Variants in TTC28 observed in about 807,000 individuals in gnomAD.
TTC28 encodes tetratricopeptide repeat protein 28.
Under a neutral mutation model 198.0 loss-of-function variants are expected in TTC28, and 61 were observed. The ratio of observed to expected loss-of-function variants is 0.31; its 90% confidence interval spans 0.25 to 0.38. The LOEUF (loss-of-function observed/expected upper bound fraction) is 0.38. TTC28 is among the 10% of genes least tolerant of loss of function. TTC28 has a pLI of 1.00. For missense variants in TTC28, 2,678 were observed against 3,164.0 expected, an observed-to-expected ratio of 0.85 and a Z score of 3.69; for synonymous variants, 1,171 against 1,297.8, an observed-to-expected ratio of 0.90 and a Z score of 2.10.
At position 28,611,597 on chromosome 22, in the gene TTC28, C is replaced by T. The variant is rs143417293; in HGVS notation, c.381+17955G>A. On this transcript the variant is annotated intron_variant, in intron 2 of 22. Coordinates refer to ENST00000397906, the MANE Select transcript of TTC28 (RefSeq NM_001145418.2). ...TATGTATACATGTGCCATGCTGGTGCGCTGCACCCACTAACATGTCATCTA... is the reference window on the plus strand; with the variant it reads ...TATGTATACATGTGCCATGCTGGTGTGCTGCACCCACTAACATGTCATCTA... 7.1e-3 allele frequency among the ~76,000 whole-genome samples: 1,044 copies of T among 147,140 alleles called. 13 individuals are homozygous for T. Among genetic ancestry groups the T allele is most frequent in the African/African-American group, 0.025 (1,008 of 40,072 alleles).
chr22:28,581,571 C>A (rs1219042174), intron 2 of TTC28, among the ~76,000 whole-genome samples: 1 of 152,114 alleles, frequency 6.6e-6, no homozygotes, highest in Non-Finnish European at 1.5e-5. Context: ...CACATACATA[C>A]AATTTGAAAT....
intron 2 of TTC28, among the ~76,000 whole-genome samples, chr22:28,543,444 AGAGGAG>A (rs911730434): frequency 8.6e-5 from 13 of 150,758 alleles, no homozygotes; most frequent in Non-Finnish European, 1.6e-4. Context: ...AAGAGGAGGA[AGAGGAG>A]GAGGAGGAGA....
chr22:28,251,864 A>G (rs1930536702), intron 5 of TTC28, among the ~76,000 whole-genome samples: 1 of 152,214 alleles, frequency 6.6e-6, no homozygotes, highest in Non-Finnish European at 1.5e-5. Flanking sequence ...ATGTGATTAA[A>G]AACAAAATAT....
chr22:28,118,991 T>C (rs543446706), intron 6 of TTC28, among the ~76,000 whole-genome samples: 9 of 152,350 alleles, frequency 5.9e-5, no homozygotes, highest in Admixed American at 4.6e-4. Flanking sequence ...GCCTTGGTAA[T>C]TGGTGTGTCC....
chr22:28,456,926 C>T (rs1344287990), intron 2 of TTC28, among the ~76,000 whole-genome samples: 1 of 152,096 alleles, frequency 6.6e-6, no homozygotes, highest in Non-Finnish European at 1.5e-5. Context: ...CCATACTAGA[C>T]AACAAAAATA....
chr22:28,157,185 T>A (rs1168214480), intron 6 of TTC28, among the ~76,000 whole-genome samples: 2 of 152,120 alleles, frequency 1.3e-5, no homozygotes, highest in African/African-American at 4.8e-5. Flanking sequence ...ATACACCAAT[T>A]AAGTTGGAAA....
chr22:28,170,079 A>G (rs1019115009), intron 5 of TTC28, among the ~76,000 whole-genome samples: 1 of 152,198 alleles, frequency 6.6e-6, no homozygotes, highest in African/African-American at 2.4e-5. Flanking sequence ...TCTCCTAGAA[A>G]CAAGTTGTAT....
At chr22:28,540,344 T>C (rs2049386278) in intron 2 of TTC28, among the ~76,000 whole-genome samples, 1 of 152,100 alleles carries the variant, frequency 6.6e-6, no homozygotes, top group Admixed American at 6.6e-5. Context: ...TGGAGGCAGA[T>C]GTCACATATT....
At chr22:28,563,805 C>G (rs781282704) in intron 2 of TTC28, among the ~76,000 whole-genome samples, 19 of 152,118 alleles carry the variant, frequency 1.2e-4, no homozygotes, top group Middle Eastern at 3.4e-3. Flanking sequence ...GGTATATACC[C>G]AAAAGAAGTG....
At chr22:28,029,158 G>A in intron 13 of TTC28, 1 of 469,688 alleles carries the variant, frequency 2.1e-6, no homozygotes, top group Admixed American at 2.4e-5. Context: ...TGTGAAGGTG[G>A]CTGGGAAGAA....
At chr22:28,301,592 C>T (rs1352960162) in intron 3 of TTC28, among the ~76,000 whole-genome samples, 2 of 152,164 alleles carry the variant, frequency 1.3e-5, no homozygotes, top group African/African-American at 2.4e-5. Flanking sequence ...CACATATTAA[C>T]AATCTCTGAA....
intron 5 of TTC28, among the ~76,000 whole-genome samples, chr22:28,230,358 T>A (rs1928708654): frequency 6.6e-6 from 1 of 152,194 alleles, no homozygotes; most frequent in Non-Finnish European, 1.5e-5. Flanking sequence ...TGTAAAAAGC[T>A]TACTGATCCT....
chr22:28,077,811 C>T (rs1941216953), intron 12 of TTC28, among the ~76,000 whole-genome samples: 1 of 152,138 alleles, frequency 6.6e-6, no homozygotes, highest in African/African-American at 2.4e-5. Context: ...AACATTTACC[C>T]CATTAAAAGG....
chr22:28,010,113 G>A (rs548768174), intron 14 of TTC28, among the ~76,000 whole-genome samples: 2 of 152,274 alleles, frequency 1.3e-5, no homozygotes, highest in South Asian at 4.1e-4. Flanking sequence ...CTGTGGGCGG[G>A]TTCAGGGGCC....
intron 2 of TTC28, among the ~76,000 whole-genome samples, chr22:28,548,780 C>T (rs1033045927): frequency 2.6e-5 from 4 of 152,146 alleles, no homozygotes; most frequent in Non-Finnish European, 5.9e-5. Flanking sequence ...TTTTTCTCAT[C>T]GGCTCATAAA....
chr22:28,168,259 T>C (rs1211709898), intron 5 of TTC28, among the ~76,000 whole-genome samples: 4 of 152,144 alleles, frequency 2.6e-5, no homozygotes, highest in African/African-American at 4.8e-5. Context: ...AGGTAATTTA[T>C]AGATTCAAGG....
intron 2 of TTC28, among the ~76,000 whole-genome samples, chr22:28,515,409 T>C (rs2048766406): frequency 6.6e-6 from 1 of 152,186 alleles, no homozygotes; most frequent in Non-Finnish European, 1.5e-5. Context: ...TTATTTTTTT[T>C]CCATTGGTCT....
At chr22:28,312,482 A>G (rs991027828) in intron 2 of TTC28, among the ~76,000 whole-genome samples, 1 of 152,124 alleles carries the variant, frequency 6.6e-6, no homozygotes, top group African/African-American at 2.4e-5. Context: ...CTCAGCAAAT[A>G]TAAAAGAACA....
intron 2 of TTC28, among the ~76,000 whole-genome samples, chr22:28,314,879 A>C (rs564401634): frequency 2.0e-5 from 3 of 152,286 alleles, no homozygotes; most frequent in African/African-American, 7.2e-5. Context: ...TCTCTAAAAA[A>C]AAGAAAAAAA....
Sources: gnomAD v4.1 joint callset for allele counts (sites outside exome capture counted in the v4.1 genomes callset) on GRCh38, gnomAD v4.1.1 for gene constraint, MANE v1.5 for transcripts, NCBI Gene and HGNC (gene_info 2026-07-23, HGNC 2026-07-21) for gene names.